Variants in MOB3B observed in about 807,000 individuals in gnomAD.
The protein encoded by MOB3B is MOB kinase activator-like 2B.
A neutral mutation model predicts 18.7 loss-of-function variants in MOB3B; 7 were observed. The observed-to-expected ratio is 0.37, with a 90% CI of 0.21 to 0.70. The LOEUF (loss-of-function observed/expected upper bound fraction) is 0.70, where lower values mean the gene tolerates loss of function less well. MOB3B is among the 30% of genes least tolerant of loss of function. MOB3B has a pLI of 0.52. For synonymous variants in MOB3B, 111 were observed against 99.9 expected, an observed-to-expected ratio of 1.11 and a Z score of -0.66; for missense variants, 253 against 281.3, an observed-to-expected ratio of 0.90 and a Z score of 0.72.
At chr9:27,387,594 C>T (rs1821666494) in intron 2 of MOB3B, among the ~76,000 whole-genome samples, 1 of 152,170 alleles carries the variant, frequency 6.6e-6, no homozygotes, top group Non-Finnish European at 1.5e-5. Flanking sequence ...CTATTATTAT[C>T]ATTATCATAA....
chr9:27,522,260 A>AAAAAAAG (rs1165486638), intron 1 of MOB3B, among the ~76,000 whole-genome samples: 1 of 145,134 alleles, frequency 6.9e-6, no homozygotes, highest in Non-Finnish European at 1.5e-5. Flanking sequence ...AAAAAAAAAA[A>AAAAAAAG]AAAAAAGAAA....
chr9:27,406,765 G>T (rs1821985607), intron 2 of MOB3B, among the ~76,000 whole-genome samples: 1 of 151,462 alleles, frequency 6.6e-6, no homozygotes, highest in Non-Finnish European at 1.5e-5. Context: ...CTTAATCGAA[G>T]ACCTGAAGCT....
intron 3 of MOB3B, among the ~76,000 whole-genome samples, chr9:27,339,658 A>G (rs1246179255): frequency 6.6e-6 from 1 of 152,260 alleles, no homozygotes; most frequent in Non-Finnish European, 1.5e-5. Flanking sequence ...TACCTCGGCC[A>G]TGGCCACATC....
At chr9:27,477,402 C>T (rs1239879954) in intron 1 of MOB3B, among the ~76,000 whole-genome samples, 1 of 152,196 alleles carries the variant, frequency 6.6e-6, no homozygotes, top group African/African-American at 2.4e-5. Context: ...AAACCAGTCC[C>T]TCTCTCTCCC....
intron 1 of MOB3B, among the ~76,000 whole-genome samples, chr9:27,456,741 G>A (rs764273417): frequency 1.7e-4 from 26 of 152,162 alleles, no homozygotes; most frequent in Admixed American, 1.0e-3. Flanking sequence ...CTGTTTCCGT[G>A]ATAATGCAAA....
intron 3 of MOB3B, among the ~76,000 whole-genome samples, chr9:27,354,104 C>CCAG (rs1821149433): frequency 6.6e-6 from 1 of 152,232 alleles, no homozygotes; most frequent in African/African-American, 2.4e-5. Context: ...TCCCAGGCTG[C>CCAG]CAGCCATAGC....
At chr9:27,382,962 G>A (rs552571336) in intron 2 of MOB3B, among the ~76,000 whole-genome samples, 7 of 152,120 alleles carry the variant, frequency 4.6e-5, no homozygotes, top group Non-Finnish European at 7.3e-5. Context: ...CAAGCAAGAA[G>A]GTATTTGGGG....
intron 3 of MOB3B, among the ~76,000 whole-genome samples, chr9:27,343,467 T>A (rs1587142962): frequency 1.0e-5 from 1 of 96,640 alleles, no homozygotes; most frequent in Non-Finnish European, 1.9e-5. Flanking sequence ...CCAAGAATGC[T>A]CAATAAATAC....
At chr9:27,513,913 ATGGATGGATGGATGGTGG>A (rs1820185881) in intron 1 of MOB3B, among the ~76,000 whole-genome samples, 1 of 52,200 alleles carries the variant, frequency 1.9e-5, no homozygotes. Flanking sequence ...GGATGGATGG[ATGGATGGATGGATGGTGG>A]GTGGGTGGAT....
chr9:27,461,777 C>T (rs997766126), intron 1 of MOB3B, among the ~76,000 whole-genome samples: 4 of 152,210 alleles, frequency 2.6e-5, no homozygotes, highest in African/African-American at 9.7e-5. Context: ...TAACCTTATA[C>T]ACTGTAGCAG....
chr9:27,434,221 C>G (rs966770714), intron 2 of MOB3B, among the ~76,000 whole-genome samples: 4 of 152,126 alleles, frequency 2.6e-5, no homozygotes, highest in African/African-American at 9.7e-5. Context: ...GTCTGCTGAC[C>G]CTCTTGTGTT....
chr9:27,373,314 G>A (rs1473885795), intron 2 of MOB3B, among the ~76,000 whole-genome samples: 1 of 152,216 alleles, frequency 6.6e-6, no homozygotes, highest in Non-Finnish European at 1.5e-5. Flanking sequence ...GTGGAGTCAG[G>A]AGTCATCCTT....
chr9:27,340,418 CAG>C (rs1820922109), intron 3 of MOB3B, among the ~76,000 whole-genome samples: 1 of 152,192 alleles, frequency 6.6e-6, no homozygotes, highest in Non-Finnish European at 1.5e-5. Flanking sequence ...CTTATAAAGA[CAG>C]AGCTGCACAT....
At chr9:27,383,525 T>C (rs1821608400) in intron 2 of MOB3B, among the ~76,000 whole-genome samples, 1 of 152,156 alleles carries the variant, frequency 6.6e-6, no homozygotes, top group Admixed American at 6.5e-5. Flanking sequence ...CCAGATAACC[T>C]GTTGAAGGAA....
intron 2 of MOB3B, among the ~76,000 whole-genome samples, chr9:27,386,513 T>C (rs933220928): frequency 6.6e-6 from 1 of 152,240 alleles, no homozygotes; most frequent in African/African-American, 2.4e-5. Context: ...CGAATAATTT[T>C]TTTCTTCACA....
intron 2 of MOB3B, among the ~76,000 whole-genome samples, chr9:27,440,319 T>A (rs1286692321): frequency 1.3e-5 from 2 of 152,146 alleles, no homozygotes; most frequent in East Asian, 3.9e-4. Flanking sequence ...TCTATGTAGA[T>A]GGAAAGAGCA....
chr9:27,457,517 T>A (rs1819198684), intron 1 of MOB3B, among the ~76,000 whole-genome samples: 1 of 152,194 alleles, frequency 6.6e-6, no homozygotes. Flanking sequence ...ACCTAAGACA[T>A]CCTGATTCCC....
chr9:27,469,970 G>A (rs1819446295), intron 1 of MOB3B, among the ~76,000 whole-genome samples: 1 of 151,992 alleles, frequency 6.6e-6, no homozygotes, highest in African/African-American at 2.4e-5. Flanking sequence ...GCCTGGCACG[G>A]TGGCACACAC....
intron 2 of MOB3B, among the ~76,000 whole-genome samples, chr9:27,446,503 A>G (rs1822694592): frequency 6.6e-6 from 1 of 152,180 alleles, no homozygotes. Context: ...CTTTCCTTTC[A>G]TTTGTTCCCC....
Sources: gnomAD v4.1 joint callset for allele counts (sites outside exome capture counted in the v4.1 genomes callset) on GRCh38, gnomAD v4.1.1 for gene constraint, MANE v1.5 for transcripts, NCBI Gene and HGNC (gene_info 2026-07-23, HGNC 2026-07-21) for gene names.